Variants in LARP1 observed in about 807,000 individuals in gnomAD.
LARP1 encodes La ribonucleoprotein 1, translational regulator, also known as la-related protein 1.
A neutral mutation model predicts 122.7 loss-of-function variants in LARP1; 36 were observed. The observed-to-expected ratio is 0.29, with a 90% CI of 0.22 to 0.39. The LOEUF is 0.39. Among genes scored for constraint, LARP1 ranks in the 10% least tolerant of loss-of-function variants. LARP1 has a pLI of 1.00. For missense variants in LARP1, 1,040 were observed against 1,403.6 expected (o/e 0.74, Z 4.14); for synonymous variants, 539 against 528.7 (o/e 1.02, Z -0.27).
upstream of LARP1, among the ~76,000 whole-genome samples, chr5:154,750,773 A>T (rs1176490988): frequency 1.3e-5 from 2 of 151,736 alleles, no homozygotes; most frequent in Non-Finnish European, 1.5e-5. Context: ...ACACCTGGCT[A>T]ATTTATTTAT....
rs778073359 is a variant in LARP1 at position 154,806,042 on chromosome 5, G to T, written c.2698+10G>T. ...AGGCGCTGCCTTAATGGTAAGAAGT[G>T]TGGGGGGCAGGAGATGAGCCTCTGG... On this transcript the variant is annotated intron_variant, in intron 15 of 18. Transcript: ENST00000518297. The T allele has an allele frequency of 2.5e-6, 4 of 1,613,394 alleles. No individual in the cohort carries two copies. Among genetic ancestry groups the T allele is most frequent in the Middle Eastern group, 3.3e-4 (2 of 6,042 alleles).
chr5:154,811,480 A>C, intron 17 of LARP1, 33 bp from the exon 18 acceptor site: 1 of 1,614,046 alleles, frequency 6.2e-7, no homozygotes, highest in Non-Finnish European at 8.5e-7. Context: ...CTTTATCCTC[A>C]CCAGCTCAGC....
At chr5:154,742,509 T>C (rs905513802) in intron 1 of LARP1, among the ~76,000 whole-genome samples, 42 of 152,124 alleles carry the variant, frequency 2.8e-4, no homozygotes, top group African/African-American at 8.4e-4. Context: ...CAGTGAGCCA[T>C]GATCATGCCA....
upstream of LARP1, among the ~76,000 whole-genome samples, chr5:154,708,169 A>G (rs1331203721): frequency 1.3e-5 from 2 of 152,192 alleles, no homozygotes; most frequent in Non-Finnish European, 2.9e-5. Flanking sequence ...GAAAGAAGGC[A>G]CTGGCTCAGT....
chr5:154,795,809 C>T (rs255531), intron 8 of LARP1, among the ~76,000 whole-genome samples: 2,127 of 125,652 alleles, frequency 0.017, 21 homozygotes, highest in East Asian at 0.038. Context: ...TCCCAATTGG[C>T]GCCATATATA....
At chr5:154,699,583 C>T (rs960161483) in intron 1 of LARP1, among the ~76,000 whole-genome samples, 17 of 152,266 alleles carry the variant, frequency 1.1e-4, no homozygotes, top group Non-Finnish European at 2.4e-4. Context: ...GTGAGAGACA[C>T]CGACCTAACT....
At chr5:154,738,209 C>T (rs769085052) in intron 1 of LARP1, among the ~76,000 whole-genome samples, 7 of 152,232 alleles carry the variant, frequency 4.6e-5, no homozygotes, top group Non-Finnish European at 7.3e-5. Context: ...CATCTCACCA[C>T]ACTGAATATC....
chr5:154,734,269 T>A lies in LARP1; in HGVS notation c.205+21139T>A, dbSNP rs994190985. Among the ~76,000 whole-genome samples the A allele has an allele frequency of 2.0e-5, 3 of 152,166 alleles. No homozygotes were observed. In the South Asian group the frequency reaches 6.2e-4, roughly 31 times the overall value. On this transcript the variant is annotated intron_variant, in intron 1 of 18. Coordinates refer to the LARP1 transcript ENST00000336314. ...TACATAGGAAGTATTACTATTATTATATTGAGATTAATTATTAGCATTGAT... is the reference window on the plus strand; with the variant it reads ...TACATAGGAAGTATTACTATTATTAAATTGAGATTAATTATTAGCATTGAT...
At chr5:154,704,399 C>T (rs768692939) in intron 1 of LARP1, among the ~76,000 whole-genome samples, 3 of 152,120 alleles carry the variant, frequency 2.0e-5, no homozygotes, top group African/African-American at 4.8e-5. Context: ...GTAATCCCAG[C>T]ACTTTGGGAG....
intron 10 of LARP1, among the ~76,000 whole-genome samples, chr5:154,800,411 C>T (rs1201813050): frequency 6.6e-6 from 1 of 152,078 alleles, no homozygotes; most frequent in Non-Finnish European, 1.5e-5. Context: ...TATGTCCCCA[C>T]TATCATGTAT....
In LARP1 at chr5:154,803,382, A is replaced by G. The variant is rs1227992654; in HGVS notation, c.2202A>G (p.Glu734=). 1 of 1,614,020 alleles carries G rather than the reference A, an allele frequency of 6.2e-7. No individual in the cohort carries two copies. Among genetic ancestry groups the G allele is most frequent in the Non-Finnish European group, 8.5e-7 (1 of 1,180,020 alleles). ...TPEPPVDPNQ[E]VPPGPPRFQQ... ...AGCCCCCTGTGGATCCCAACCAGGA[A>G]GTTCCTCCTGGGCCACCTCGGTTCC... Residue 734 remains glutamate (E), a synonymous_variant, in exon 12 of 19, where the codon GAA becomes GAG. Coordinates refer to ENST00000518297, the MANE Select transcript of LARP1 (RefSeq NM_033551.3). The surrounding 1 kb of genome is among the most constrained non-coding windows in gnomAD (Gnocchi z 4.4).
chr5:154,702,213 A>G (rs1233129101), intron 1 of LARP1, among the ~76,000 whole-genome samples: 3 of 152,166 alleles, frequency 2.0e-5, no homozygotes, highest in Non-Finnish European at 2.9e-5. Context: ...GGTTGGCCCC[A>G]GGAGATGTTT....
At chr5:154,707,372 A>C (rs888844853) in intron 1 of LARP1, among the ~76,000 whole-genome samples, 5 of 152,230 alleles carry the variant, frequency 3.3e-5, no homozygotes, top group African/African-American at 1.2e-4. Flanking sequence ...GACTGTGACC[A>C]ATGGGAGTCT....
chr5:154,727,993 C>T (rs774200258), intron 1 of LARP1, among the ~76,000 whole-genome samples: 1 of 152,218 alleles, frequency 6.6e-6, no homozygotes, highest in Middle Eastern at 3.4e-3. Context: ...GCTCAAACCC[C>T]GGTGGTGGAG....
Position 154,756,525 on chromosome 5 carries a change from A to G in LARP1, c.436+332A>G, listed in dbSNP as rs949943864. 5 of 985,040 alleles carry G rather than the reference A, an allele frequency of 5.1e-6. No individual in the cohort carries two copies. The African/African-American group carries it at 5.2e-5, about 10-fold the overall frequency. 61.0% of individuals were successfully genotyped at this position (985,040 alleles called of 1,614,324 possible). A position where few individuals can be genotyped will look rare whatever the true frequency, so the allele number is the denominator to read the frequency against. On this transcript the variant is annotated intron_variant, in intron 1 of 18. Coordinates refer to ENST00000518297, the MANE Select transcript of LARP1 (RefSeq NM_033551.3). The stretch of plus-strand genomic sequence containing the variant: ...AACGATCCCCACCGCATGCTGGTGT[A>G]AGAGACGGTTTCTGGTTTGAACCTT...
chr5:154,756,831 C>A (rs965357472), intron 1 of LARP1, among the ~76,000 whole-genome samples: 1 of 152,062 alleles, frequency 6.6e-6, no homozygotes, highest in African/African-American at 2.4e-5. Context: ...TTTCCCTCCC[C>A]GATCCCGGGC....
chr5:154,724,095 C>G (rs1427386000), intron 1 of LARP1, among the ~76,000 whole-genome samples: 1 of 152,138 alleles, frequency 6.6e-6, no homozygotes, highest in Non-Finnish European at 1.5e-5. Flanking sequence ...GCCCTCAGAA[C>G]GGGAAAGGTG....
At chr5:154,686,183 G>C (rs1753931756) in intron 1 of LARP1, among the ~76,000 whole-genome samples, 3 of 152,190 alleles carry the variant, frequency 2.0e-5, no homozygotes, top group African/African-American at 7.2e-5. Context: ...AGCTCATTCT[G>C]TACCAGGAAA....
exon 1 of LARP1, chr5:154,712,930 T>C: frequency 6.2e-7 from 1 of 1,614,092 alleles, no homozygotes; most frequent in East Asian, 2.2e-5. Flanking sequence ...CACTCCATGC[T>C]TTGGAGGGTG....
Sources: gnomAD v4.1 joint callset for allele counts (sites outside exome capture counted in the v4.1 genomes callset) on GRCh38, gnomAD v4.1.1 for gene constraint, Gnocchi (gnomAD v3.1) non-coding constraint, MANE v1.5 for transcripts, NCBI Gene and HGNC (gene_info 2026-07-23, HGNC 2026-07-21) for gene names.